Variants in AGBL3 observed in about 807,000 individuals in gnomAD.
AGBL3 encodes cytosolic carboxypeptidase 3.
AGBL3 carries 68 observed loss-of-function variants against 94.5 expected under a neutral mutation model. That is an observed-to-expected ratio of 0.72 (90% confidence interval 0.59 to 0.88). The LOEUF is 0.88. Ranked by LOEUF, AGBL3 falls within the 40% of genes least tolerant of loss-of-function variation. AGBL3 has a pLI of 0.00. For missense variants in AGBL3, 934 were observed against 1,103.8 expected (o/e 0.85, Z 2.18); for synonymous variants, 354 against 370.7 (o/e 0.95, Z 0.52).
chr7:135,103,289 G>A (rs1824128884), intron 15 of AGBL3, among the ~76,000 whole-genome samples: 1 of 152,112 alleles, frequency 6.6e-6, no homozygotes, highest in Non-Finnish European at 1.5e-5. Flanking sequence ...AATTATTGAA[G>A]CTGAGTGATA....
At position 135,045,522 on chromosome 7, in the gene AGBL3, G is replaced by T. The variant is rs769495951; in HGVS notation, c.1676G>T (p.Gly559Val). Residue 559 changes from glycine (G) to valine (V), a missense_variant, in exon 10 of 17, where the codon GGA (glycine) becomes GTA (valine). Gly to Val is a moderately radical substitution (Grantham distance 109). Transcript: ENST00000436302. The part of the protein sequence containing the change: ...HFSTKDLESM[G>V]YHFCDSLLDY... Reference sequence around the variant, plus strand: ...AGCACGAAAGACCTGGAATCAATGGGATATCATTTTTGTGATTCTCTCTTG... The same window carrying T: ...AGCACGAAAGACCTGGAATCAATGGTATATCATTTTTGTGATTCTCTCTTG... 3.2e-6 allele frequency: 5 copies of T among 1,551,162 alleles called. No individual in the cohort carries two copies. In the South Asian group the frequency reaches 5.9e-5, roughly 18 times the overall value.
At chr7:134,989,756 T>G (rs2718153) in intron 3 of AGBL3, among the ~76,000 whole-genome samples, 10,381 of 152,172 alleles carry the variant, frequency 0.068, 1,141 homozygotes, top group African/African-American at 0.23. Context: ...ACTTTCAAAC[T>G]CTAAGATATC....
chr7:135,127,290 C>T lies in AGBL3; in HGVS notation c.2343-7551C>T, dbSNP rs1828015050. ...AAAGCTCAATGGTTGGGTGTGGTGG[C>T]TCACGCCTATAATCCCAGCACTTTG... On this transcript the variant is annotated intron_variant, in intron 16 of 16. Transcript: ENST00000436302. Among the ~76,000 whole-genome samples, 3 of 151,790 alleles carry T rather than the reference C, an allele frequency of 2.0e-5. No homozygotes were observed. The South Asian group carries it at 6.4e-4, about 32-fold the overall frequency.
At chr7:135,068,013 A>G (rs1310235723) in intron 12 of AGBL3, among the ~76,000 whole-genome samples, 2 of 152,220 alleles carry the variant, frequency 1.3e-5, no homozygotes, top group African/African-American at 2.4e-5. Context: ...ATGGCTAACT[A>G]GAATAACCAA....
In AGBL3 at chr7:135,034,885, G is replaced by C. The variant is rs1343220914; in HGVS notation, c.1294G>C (p.Glu432Gln). Residue 432 changes from glutamate (E) to glutamine (Q), a missense_variant, in exon 7 of 17, where the codon GAA becomes CAA. By Grantham distance (29) the Glu-to-Gln change is conservative (BLOSUM62 2). Coordinates refer to ENST00000436302, the MANE Select transcript of AGBL3 (RefSeq NM_178563.4). ...LNRNYTSLLKESFPSVWYTRN... is the reference protein window; with the variant it reads ...LNRNYTSLLKQSFPSVWYTRN... ...CCGTAATTATACATCTCTCCTGAAGGAATCTTTTCCTTCTGTATGGTATAC... is the reference window on the plus strand; with the variant it reads ...CCGTAATTATACATCTCTCCTGAAGCAATCTTTTCCTTCTGTATGGTATAC... The C allele has an allele frequency of 1.3e-6, 2 of 1,545,834 alleles. No individual in the cohort carries two copies. Among genetic ancestry groups the C allele is most frequent in the East Asian group, 4.9e-5 (2 of 40,900 alleles).
intron 15 of AGBL3, among the ~76,000 whole-genome samples, chr7:135,112,232 T>C (rs1305448294): frequency 6.6e-6 from 1 of 152,236 alleles, no homozygotes; most frequent in East Asian, 1.9e-4. Flanking sequence ...TGCCTTGTGT[T>C]TCACTTTTCT....
intron 8 of AGBL3, among the ~76,000 whole-genome samples, chr7:135,038,050 A>C (rs535106488): frequency 4.2e-4 from 64 of 152,242 alleles, no homozygotes; most frequent in African/African-American, 1.5e-3. Context: ...AGAATGAGAA[A>C]AGAATAAAGT....
At chr7:135,107,772 T>C (rs1824967793) in intron 15 of AGBL3, among the ~76,000 whole-genome samples, 2 of 152,320 alleles carry the variant, frequency 1.3e-5, no homozygotes, top group South Asian at 2.1e-4. Flanking sequence ...AATATCTTTG[T>C]GAATTTTCTG....
chr7:135,031,649 G>A (rs1019631759), intron 5 of AGBL3, among the ~76,000 whole-genome samples: 1 of 152,168 alleles, frequency 6.6e-6, no homozygotes, highest in Non-Finnish European at 1.5e-5. Context: ...GGCTTGCTTT[G>A]ATTTTGTATA....
intron 12 of AGBL3, among the ~76,000 whole-genome samples, chr7:135,071,707 A>G (rs1819926824): frequency 6.6e-6 from 1 of 152,264 alleles, no homozygotes; most frequent in African/African-American, 2.4e-5. Flanking sequence ...TTGGCTAGCC[A>G]TATGTAGAAA....
At chr7:135,048,992 C>T (rs1817631076) in intron 11 of AGBL3, among the ~76,000 whole-genome samples, 1 of 151,510 alleles carries the variant, frequency 6.6e-6, no homozygotes. Context: ...CCTTCAGTGG[C>T]CAGGTGAGCA....
chr7:135,077,849 G>A (rs1194660773), intron 13 of AGBL3, among the ~76,000 whole-genome samples: 1 of 152,174 alleles, frequency 6.6e-6, no homozygotes, highest in Non-Finnish European at 1.5e-5. Flanking sequence ...CCAGTCTCAG[G>A]TGTTTCCTAT....
chr7:135,028,369 T>G (rs2116381247), intron 5 of AGBL3, among the ~76,000 whole-genome samples: 1 of 152,304 alleles, frequency 6.6e-6, no homozygotes, highest in Non-Finnish European at 1.5e-5. Context: ...TAACTAATAT[T>G]ATGGAATATA....
intron 15 of AGBL3, among the ~76,000 whole-genome samples, chr7:135,103,658 G>A (rs1777862311): frequency 6.6e-6 from 1 of 152,152 alleles, no homozygotes; most frequent in Admixed American, 6.5e-5. Flanking sequence ...AGGAGACTGA[G>A]AGGGGAATAA....
chr7:135,115,231 ATTTG>A (rs1826159081), intron 15 of AGBL3, 145 bp from the exon 16 acceptor site: 1 of 537,428 alleles, frequency 1.9e-6, no homozygotes, highest in Admixed American at 3.4e-5. Context: ...TATATATTTT[ATTTG>A]TTTATTTTCT....
chr7:135,070,168 A>G (rs1819750114), intron 12 of AGBL3, among the ~76,000 whole-genome samples: 1 of 152,210 alleles, frequency 6.6e-6, no homozygotes, highest in Non-Finnish European at 1.5e-5. Flanking sequence ...TCCCAAGACT[A>G]AACCAAGAAG....
chr7:135,009,479 G>A (rs769734599), intron 4 of AGBL3, among the ~76,000 whole-genome samples: 1 of 88,070 alleles, frequency 1.1e-5, no homozygotes, highest in African/African-American at 3.6e-5. Flanking sequence ...GGTTAGTGTG[G>A]TAGTGTTGGG....
intron 5 of AGBL3, among the ~76,000 whole-genome samples, chr7:135,023,908 C>A (rs115981139): frequency 0.012 from 1,856 of 152,352 alleles, 34 homozygotes; most frequent in African/African-American, 0.04. Flanking sequence ...CCCCAGCACA[C>A]CCAGTGCTCA....
chr7:135,088,206 T>A (rs952087087), intron 15 of AGBL3, among the ~76,000 whole-genome samples: 7 of 152,124 alleles, frequency 4.6e-5, no homozygotes, highest in Non-Finnish European at 8.8e-5. Context: ...AATGTGTCTT[T>A]ATGGTGAAAT....
Sources: allele counts gnomAD v4.1 joint callset (sites outside exome capture counted in the v4.1 genomes callset), GRCh38; gene constraint gnomAD v4.1.1; transcripts MANE v1.5; gene names NCBI Gene and HGNC (gene_info 2026-07-23, HGNC 2026-07-21).